SMARCC1: variants seen among roughly 807,000 people sequenced by gnomAD.
The protein encoded by SMARCC1 is SWI/SNF related BAF chromatin remodeling complex subunit C1, also known as SWI/SNF complex subunit SMARCC1.
SMARCC1 carries 43 observed loss-of-function variants against 147.4 expected under a neutral mutation model. The ratio of observed to expected loss-of-function variants is 0.29; its 90% CI spans 0.23 to 0.38. The LOEUF (loss-of-function observed/expected upper bound fraction) is 0.38. SMARCC1 is among the 10% of genes least tolerant of loss of function. The pLI, the probability that SMARCC1 is intolerant of heterozygous loss-of-function variation, is 1.00. For synonymous variants in SMARCC1, 495 were observed against 484.4 expected (o/e 1.02, Z -0.29); for missense variants, 1,119 against 1,381.1 (o/e 0.81, Z 3.01).
chr3:47,596,592 T>G (rs56288311), intron 26 of SMARCC1, among the ~76,000 whole-genome samples: 6,750 of 150,392 alleles, frequency 0.045, 195 homozygotes, highest in Non-Finnish European at 0.056. Context: ...AATAAATAAA[T>G]AAGAAGAAGA....
At chr3:47,673,515 C>A (rs921597649) in intron 18 of SMARCC1, among the ~76,000 whole-genome samples, 1 of 150,956 alleles carries the variant, frequency 6.6e-6, no homozygotes, top group African/African-American at 2.4e-5. Flanking sequence ...ATGGAGAAAC[C>A]CTGTCTCTAC....
chr3:47,733,855 C>A (rs1360488894), intron 5 of SMARCC1, among the ~76,000 whole-genome samples: 1 of 99,818 alleles, frequency 1.0e-5, no homozygotes. Context: ...CACAGCGAGA[C>A]TCTGTCTCAA....
At chr3:47,665,477 A>T (rs1288712910) in intron 19 of SMARCC1, among the ~76,000 whole-genome samples, 1 of 152,170 alleles carries the variant, frequency 6.6e-6, no homozygotes, top group East Asian at 1.9e-4. Flanking sequence ...ATTTTTAATT[A>T]AAAAATATTT....
Position 47,738,103 on chromosome 3 carries a change from A to G in SMARCC1, c.409T>C (p.Phe137Leu). Residue 137 changes from phenylalanine to leucine, a missense_variant, in exon 4 of 28, where the codon TTT becomes CTT. Coordinates refer to ENST00000254480, the MANE Select transcript of SMARCC1 (RefSeq NM_003074.4). Reference sequence around the variant, plus strand: ...ATTCGAGATGGGTTCTGTAGGTCAAACCTCCGCCTAAAAAAAAAGAAAAAC... The same window carrying G: ...ATTCGAGATGGGTTCTGTAGGTCAAGCCTCCGCCTAAAAAAAAAGAAAAAC... ...KYKNEQGWRR[F>L]DLQNPSRMDR... The G allele has an allele frequency of 1.3e-6, 2 of 1,556,192 alleles. No homozygotes were observed. The highest frequency in any genetic ancestry group is 1.7e-6 in the Non-Finnish European group (2 of 1,154,254).
intron 26 of SMARCC1, among the ~76,000 whole-genome samples, chr3:47,599,866 C>G (rs2032356899): frequency 6.6e-6 from 1 of 152,232 alleles, no homozygotes. Context: ...GGCTGATTGA[C>G]AAACACCCAC....
At chr3:47,758,583 T>G (rs1411708509) in intron 2 of SMARCC1, among the ~76,000 whole-genome samples, 1 of 152,122 alleles carries the variant, frequency 6.6e-6, no homozygotes, top group Non-Finnish European at 1.5e-5. Context: ...TATTATGTAC[T>G]GCATATACAT....
intron 1 of SMARCC1, among the ~76,000 whole-genome samples, chr3:47,774,690 T>C (rs2034954342): frequency 6.6e-6 from 1 of 152,110 alleles, no homozygotes; most frequent in Non-Finnish European, 1.5e-5. Flanking sequence ...GTGCTGGGAT[T>C]ACAGTACTGT....
At chr3:47,746,861 G>T (rs1347450148) in intron 2 of SMARCC1, among the ~76,000 whole-genome samples, 1 of 151,488 alleles carries the variant, frequency 6.6e-6, no homozygotes, top group Admixed American at 6.6e-5. Flanking sequence ...CTCCTAAGTA[G>T]CTGGGATTAT....
At chr3:47,757,230 G>T (rs1303029782) in intron 2 of SMARCC1, among the ~76,000 whole-genome samples, 1 of 151,994 alleles carries the variant, frequency 6.6e-6, no homozygotes, top group Non-Finnish European at 1.5e-5. Flanking sequence ...CAGCCTGGGT[G>T]ATTAGGCCAG....
chr3:47,773,321 T>G (rs930020737), intron 1 of SMARCC1, among the ~76,000 whole-genome samples: 6 of 151,696 alleles, frequency 4.0e-5, no homozygotes, highest in African/African-American at 1.5e-4. Context: ...GAGACGGGGT[T>G]TCACCACATT....
At chr3:47,699,571 T>G (rs903720341) in intron 11 of SMARCC1, among the ~76,000 whole-genome samples, 1 of 152,090 alleles carries the variant, frequency 6.6e-6, no homozygotes, top group Non-Finnish European at 1.5e-5. Flanking sequence ...CTTATACATA[T>G]GTATATTGCC....
intron 7 of SMARCC1, 102 bp downstream of exon 7, chr3:47,720,564 C>T (rs1286152697): frequency 9.6e-6 from 8 of 831,568 alleles, no homozygotes; most frequent in Non-Finnish European, 1.6e-5. Context: ...TGACTAAACA[C>T]AAAGCAACAA....
chr3:47,698,127 T>C (rs2033876145), intron 11 of SMARCC1, among the ~76,000 whole-genome samples: 1 of 137,026 alleles, frequency 7.3e-6, no homozygotes, highest in Non-Finnish European at 1.6e-5. Context: ...AAAAATACAA[T>C]GTCATCAAAT....
chr3:47,627,528 C>T (rs771457434), intron 24 of SMARCC1, among the ~76,000 whole-genome samples: 149 of 152,186 alleles, frequency 9.8e-4, no homozygotes, highest in South Asian at 8.3e-4. Context: ...CTGGTTCCTT[C>T]CAGCAAGAGT....
intron 24 of SMARCC1, among the ~76,000 whole-genome samples, chr3:47,623,295 CGCATCTTA>C (rs1559627930): frequency 6.6e-6 from 1 of 151,774 alleles, no homozygotes; most frequent in Non-Finnish European, 1.5e-5. Flanking sequence ...TGTCACAGCA[CGCATCTTA>C]CCAAGGTCTT....
intron 21 of SMARCC1, 59 bp downstream of exon 21, chr3:47,661,234 TA>T: frequency 7.0e-7 from 1 of 1,424,452 alleles, no homozygotes; most frequent in Non-Finnish European, 9.5e-7. Flanking sequence ...ATTATTTGAG[TA>T]AACTGACAGG....
chr3:47,648,428 C>A (rs1251069996), intron 21 of SMARCC1, among the ~76,000 whole-genome samples: 1 of 151,958 alleles, frequency 6.6e-6, no homozygotes, highest in African/African-American at 2.4e-5. Flanking sequence ...GTTCTGTCAC[C>A]CAGGCTGGAG....
intron 12 of SMARCC1, among the ~76,000 whole-genome samples, chr3:47,692,353 A>G (rs1460481095): frequency 6.6e-6 from 1 of 152,232 alleles, no homozygotes; most frequent in Non-Finnish European, 1.5e-5. Flanking sequence ...CTAGGAAAGG[A>G]TGATGTCATT....
intron 2 of SMARCC1, 118 bp downstream of exon 2, chr3:47,772,699 T>C (rs1256590545): frequency 3.7e-5 from 38 of 1,014,312 alleles, no homozygotes; most frequent in Non-Finnish European, 5.3e-5. Context: ...AATTTGTTTT[T>C]TGCTTTTTTT....
Sources: gnomAD v4.1 joint callset for allele counts (sites outside exome capture counted in the v4.1 genomes callset) on GRCh38, gnomAD v4.1.1 for gene constraint, MANE v1.5 for transcripts, NCBI Gene and HGNC (gene_info 2026-07-23, HGNC 2026-07-21) for gene names.